Variants in TRIM44 observed in about 807,000 individuals in gnomAD.
The protein encoded by TRIM44 is tripartite motif containing 44, also known as tripartite motif-containing protein 44.
A neutral mutation model predicts 37.4 loss-of-function variants in TRIM44; 13 were observed. The ratio of observed to expected loss-of-function variants is 0.35; its 90% CI spans 0.23 to 0.55. TRIM44 has a LOEUF of 0.55. TRIM44 is among the 20% of genes least tolerant of loss of function. The probability of loss-of-function intolerance (pLI) is 0.89; values close to 1 mark genes in which losing one functional copy is unlikely to be tolerated. For synonymous variants in TRIM44, 175 were observed against 157.2 expected, an observed-to-expected ratio of 1.11 and a Z score of -0.85; for missense variants, 426 against 437.2, an observed-to-expected ratio of 0.97 and a Z score of 0.23.
intron 1 of TRIM44, among the ~76,000 whole-genome samples, chr11:35,675,298 T>TA (rs1211135521): frequency 3.3e-5 from 5 of 152,206 alleles, no homozygotes; most frequent in Admixed American, 3.3e-4. Context: ...TGACTGCATC[T>TA]AAAATAATGA....
chr11:35,786,970 CTCTG>C lies in TRIM44; in HGVS notation c.1008-19386_1008-19383del, dbSNP rs796459204. Among the ~76,000 whole-genome samples the C allele has an allele frequency of 1.2e-4, 19 of 152,268 alleles. No individual in the cohort carries two copies. The South Asian group carries it at 3.7e-3, about 30-fold the overall frequency. ...CTTCTGCCCTCCCCATCCTATAGCT[CTCTG>C]TAAGTATTCTTTCGCCTCCCTTTTG... On this transcript the variant is annotated intron_variant, in intron 4 of 4. Transcript: ENST00000299413.
chr11:35,764,365 C>T (rs985814812), intron 4 of TRIM44, among the ~76,000 whole-genome samples: 1 of 152,180 alleles, frequency 6.6e-6, no homozygotes, highest in Admixed American at 6.5e-5. Context: ...GTCTTTCTTT[C>T]AACTTCTCTT....
rs557617606 is a variant in TRIM44, at chr11:35,714,931, A to T, written c.748-10993A>T. Among the ~76,000 whole-genome samples the T allele has an allele frequency of 5.9e-5, 9 of 152,282 alleles. No homozygotes were observed. In the South Asian group the frequency reaches 1.7e-3, roughly 28 times the overall value. ...AAGTCCTGGGTGTCTCTGGGGACACATTCTTCTAGTTTCATATTCCTATAG... is the reference window on the plus strand; with the variant it reads ...AAGTCCTGGGTGTCTCTGGGGACACTTTCTTCTAGTTTCATATTCCTATAG... On this transcript the variant is annotated intron_variant, in intron 2 of 4. Transcript: ENST00000299413.
Position 35,702,270 on chromosome 11 carries a change from A to G in TRIM44, c.747+16934A>G, listed in dbSNP as rs1851798002. Among the ~76,000 whole-genome samples, 4 of 152,132 alleles carry G rather than the reference A, an allele frequency of 2.6e-5. No individual in the cohort carries two copies. In the South Asian group the frequency reaches 8.3e-4, roughly 32 times the overall value. On this transcript the variant is annotated intron_variant, in intron 2 of 4. Transcript: ENST00000299413. ...CCATGAGACCCTGGCTTTCTGCTGCACATTCAGAATCACTCGCCCACGCTC... is the reference window on the plus strand; with the variant it reads ...CCATGAGACCCTGGCTTTCTGCTGCGCATTCAGAATCACTCGCCCACGCTC...
At chr11:35,748,028 G>A (rs766716036) in intron 4 of TRIM44, among the ~76,000 whole-genome samples, 1 of 152,114 alleles carries the variant, frequency 6.6e-6, no homozygotes, top group East Asian at 1.9e-4. Flanking sequence ...CCTCAGGTTA[G>A]GAATTTTTGA....
chr11:35,761,499 C>A (rs933249980), intron 4 of TRIM44, among the ~76,000 whole-genome samples: 2 of 152,006 alleles, frequency 1.3e-5, no homozygotes, highest in Non-Finnish European at 2.9e-5. Context: ...TAATAATGAT[C>A]ACAGCCGTAA....
chr11:35,723,083 G>A (rs777600740), intron 2 of TRIM44, among the ~76,000 whole-genome samples: 22 of 139,410 alleles, frequency 1.6e-4, no homozygotes, highest in African/African-American at 5.1e-4. Context: ...TCCCTCCCTC[G>A]TCTCTCTCTC....
At chr11:35,709,878 T>C (rs891442671) in intron 2 of TRIM44, among the ~76,000 whole-genome samples, 1 of 152,130 alleles carries the variant, frequency 6.6e-6, no homozygotes, top group South Asian at 2.1e-4. Flanking sequence ...AATGAACAAT[T>C]TGTGAATCGG....
intron 4 of TRIM44, among the ~76,000 whole-genome samples, chr11:35,792,512 C>T (rs943693461): frequency 7.9e-5 from 12 of 152,180 alleles, no homozygotes; most frequent in African/African-American, 2.4e-4. Flanking sequence ...TCTTAGTGCT[C>T]GTAGAGAAAG....
chr11:35,802,170 T>C (rs1853379781), intron 4 of TRIM44, among the ~76,000 whole-genome samples: 1 of 152,202 alleles, frequency 6.6e-6, no homozygotes, highest in Non-Finnish European at 1.5e-5. Flanking sequence ...ATTTCATTTT[T>C]TTCAATACAA....
intron 2 of TRIM44, among the ~76,000 whole-genome samples, chr11:35,704,002 A>G (rs1299373093): frequency 6.6e-6 from 1 of 152,140 alleles, no homozygotes; most frequent in African/African-American, 2.4e-5. Context: ...AAAGAAGTTG[A>G]AAACTTTGAA....
In TRIM44 at chr11:35,725,904, T is replaced by C. The variant is rs1230040798; in HGVS notation, c.748-20T>C. The C allele has an allele frequency of 1.9e-6, 3 of 1,611,174 alleles. No homozygotes were observed. Among genetic ancestry groups the C allele is most frequent in the Admixed American group, 1.7e-5 (1 of 59,818 alleles). On this transcript the variant is annotated intron_variant, in intron 2 of 4. Coordinates refer to ENST00000299413, the MANE Select transcript of TRIM44 (RefSeq NM_017583.6). Reference sequence around the variant, plus strand: ...CTTTGTATGTTCAACTTATTCTTCTTATTTGTCTCTGTTCTAAAGGTAACT... The same window carrying C: ...CTTTGTATGTTCAACTTATTCTTCTCATTTGTCTCTGTTCTAAAGGTAACT...
At chr11:35,739,226 A>G (rs1021788812) in intron 4 of TRIM44, among the ~76,000 whole-genome samples, 3 of 152,216 alleles carry the variant, frequency 2.0e-5, no homozygotes, top group Non-Finnish European at 4.4e-5. Flanking sequence ...ATTCTAATTT[A>G]ATCTACATGC....
intron 1 of TRIM44, among the ~76,000 whole-genome samples, chr11:35,684,488 G>A (rs1211529528): frequency 6.6e-6 from 1 of 152,152 alleles, no homozygotes; most frequent in Non-Finnish European, 1.5e-5. Flanking sequence ...CACTCACTGT[G>A]TGCCACATAC....
At chr11:35,669,640 T>C (rs1036574690) in intron 1 of TRIM44, among the ~76,000 whole-genome samples, 10 of 152,002 alleles carry the variant, frequency 6.6e-5, no homozygotes, top group Admixed American at 1.3e-4. Flanking sequence ...CATGCCCAGC[T>C]AATTTTTTAT....
intron 1 of TRIM44, among the ~76,000 whole-genome samples, chr11:35,669,302 A>C (rs1851365294): frequency 6.6e-6 from 1 of 151,424 alleles, no homozygotes; most frequent in African/African-American, 2.4e-5. Flanking sequence ...CATCTTAGAG[A>C]TTTTCTTTCA....
intron 4 of TRIM44, among the ~76,000 whole-genome samples, chr11:35,745,849 C>A (rs997201293): frequency 1.1e-4 from 17 of 152,078 alleles, no homozygotes; most frequent in Non-Finnish European, 2.4e-4. Flanking sequence ...TGGAGAAAAC[C>A]CATGCAGACA....
rs193005673 is a variant in TRIM44 at position 35,804,488 on chromosome 11, C to T, written c.1008-1870C>T. ...CCATGAACGTTTAAACTATGTCTCA[C>T]GTTAAGAATGCTAAAAAGTGAACTG... On this transcript the variant is annotated intron_variant, in intron 4 of 4. Transcript: ENST00000299413. Among the ~76,000 whole-genome samples the T allele has an allele frequency of 9.9e-5, 15 of 152,244 alleles. 1 individual carries two copies. The highest frequency in any genetic ancestry group is 9.2e-4 in the Admixed American group (14 of 15,296).
At position 35,814,260 on chromosome 11, in the gene TRIM44, T is replaced by C. The variant is rs2133890494; in HGVS notation, c.*7875T>C. ...AAGAAGAATAAACGTTATGTAGATA[T>C]AATACCAGCGTGACAGCTTGTGGTT... On this transcript the variant is annotated 3_prime_UTR_variant, in exon 5 of 5. Transcript: ENST00000299413. 1 of 152,322 alleles carries C rather than the reference T, an allele frequency of 6.6e-6. No homozygotes were observed. The allele number at this position is 152,322 out of a possible 1,614,324, so 9.4% of individuals were successfully genotyped here.
Sources: gnomAD v4.1 joint callset for allele counts (sites outside exome capture counted in the v4.1 genomes callset) on GRCh38, gnomAD v4.1.1 for gene constraint, MANE v1.5 for transcripts, NCBI Gene and HGNC (gene_info 2026-07-23, HGNC 2026-07-21) for gene names.